ATE1: variants seen among roughly 807,000 people sequenced by gnomAD.
ATE1 encodes the protein arginyl-tRNA--protein transferase 1.
ATE1 carries 36 observed loss-of-function variants against 70.5 expected under a neutral mutation model. The ratio of observed to expected loss-of-function variants is 0.51; its 90% CI spans 0.39 to 0.67. The LOEUF (loss-of-function observed/expected upper bound fraction) is 0.67, where lower values mean the gene tolerates loss of function less well. ATE1 is among the 30% of genes least tolerant of loss of function. The pLI is 0.00. For synonymous variants in ATE1, 232 were observed against 219.3 expected (o/e 1.06, Z -0.51); for missense variants, 593 against 629.5 (o/e 0.94, Z 0.62).
chr10:121,850,200 T>A (rs147730477), intron 8 of ATE1, among the ~76,000 whole-genome samples: 11 of 152,250 alleles, frequency 7.2e-5, no homozygotes, highest in African/African-American at 2.4e-4. Flanking sequence ...CATTTCGTTA[T>A]ATGTCCTAAC....
chr10:121,893,650 C>G (rs924405407), intron 7 of ATE1, among the ~76,000 whole-genome samples: 2 of 151,946 alleles, frequency 1.3e-5, no homozygotes, highest in African/African-American at 4.8e-5. Context: ...TTTTTTACAT[C>G]TCTCTGGAAT....
In ATE1 at chr10:121,922,329, C is replaced by G. The variant is rs753191707; in HGVS notation, c.233+20G>C. On this transcript the variant is annotated intron_variant, in intron 3 of 11. Transcript: ENST00000224652. ...AATCTTCATACTATAAATCCTCTTT[C>G]TACTAATTAAAATTCTTACCTTATT... 6.6e-7 allele frequency: 1 copy of G among 1,511,266 alleles called. No homozygotes were observed. The highest frequency in any genetic ancestry group is 9.1e-7 in the Non-Finnish European group (1 of 1,094,988). 93.6% of individuals were successfully genotyped at this position (1,511,266 alleles called of 1,614,324 possible).
At chr10:121,834,712 GAAGAAAA>G (rs1564879919) in intron 10 of ATE1, among the ~76,000 whole-genome samples, 1 of 151,714 alleles carries the variant, frequency 6.6e-6, no homozygotes, top group Non-Finnish European at 1.5e-5. Flanking sequence ...GAATGGAAAA[GAAGAAAA>G]AAGAAAAAAA....
chr10:121,760,169 A>C (rs763312355), intron 11 of ATE1, among the ~76,000 whole-genome samples: 1 of 152,238 alleles, frequency 6.6e-6, no homozygotes, highest in Non-Finnish European at 1.5e-5. Context: ...ATGAAGTTAT[A>C]CAAGATCAGT....
At chr10:121,771,601 C>G (rs1945520793) in intron 11 of ATE1, among the ~76,000 whole-genome samples, 2 of 152,114 alleles carry the variant, frequency 1.3e-5, no homozygotes, top group South Asian at 4.1e-4. Flanking sequence ...TTTTTAATCC[C>G]AAACAATGGT....
chr10:121,774,318 G>A (rs117123576), intron 11 of ATE1, among the ~76,000 whole-genome samples: 6 of 152,246 alleles, frequency 3.9e-5, no homozygotes, highest in Admixed American at 3.9e-4. Flanking sequence ...TTTACATTCA[G>A]TTAGTATATC....
chr10:121,763,825 C>T (rs1021987171), intron 11 of ATE1, among the ~76,000 whole-genome samples: 1 of 152,000 alleles, frequency 6.6e-6, no homozygotes, highest in Non-Finnish European at 1.5e-5. Context: ...ACCAGCCTGG[C>T]CAACATGGAG....
chr10:121,887,032 G>T (rs1950421955), intron 7 of ATE1, among the ~76,000 whole-genome samples: 1 of 152,112 alleles, frequency 6.6e-6, no homozygotes, highest in Admixed American at 6.5e-5. Flanking sequence ...AACAAGCAAA[G>T]AATCACTTGT....
rs182008507 is a variant in ATE1 at position 121,885,558 on chromosome 10, A to T, written c.942+14308T>A. Among the ~76,000 whole-genome samples, 143 of 83,950 alleles carry T rather than the reference A, an allele frequency of 1.7e-3. 1 individual carries two copies. Among genetic ancestry groups the T allele is most frequent in the African/African-American group, 7.1e-3 (141 of 19,942 alleles). The allele number at this position is 83,950 out of a possible 152,430, so 55.1% of individuals were successfully genotyped here. ...GCACTCCAGCCTGGGTGACAGCAAG[A>T]CTCCGTCTCAAAAAAAAAAAAAAAA... On this transcript the variant is annotated intron_variant, in intron 7 of 11. Transcript: ENST00000224652.
intron 7 of ATE1, among the ~76,000 whole-genome samples, chr10:121,890,877 A>T (rs892417056): frequency 1.3e-5 from 2 of 152,170 alleles, no homozygotes; most frequent in African/African-American, 4.8e-5. Flanking sequence ...TGAAAATCTG[A>T]TATCTACCTG....
rs777749729 is a variant in ATE1 at position 121,742,406 on chromosome 10, A to C, written c.*1274T>G. 3 of 146,698 alleles carry C rather than the reference A, an allele frequency of 2.0e-5. No homozygotes were observed. Among genetic ancestry groups the C allele is most frequent in the Non-Finnish European group, 3.0e-5 (2 of 66,870 alleles). The allele number at this position is 146,698 out of a possible 1,614,324, so 9.1% of individuals were successfully genotyped here. A position where few individuals can be genotyped will look rare whatever the true frequency, so the allele number is the denominator to read the frequency against. ...TGAACCAAAACAGAAAAATGGGCAA[A>C]GTGGGGACTAAAAACGGCTTGCTGG... On this transcript the variant is annotated 3_prime_UTR_variant, in exon 12 of 12. Transcript: ENST00000224652.
In ATE1 at chr10:121,883,926, G is replaced by A. The variant is rs1950299340; in HGVS notation, c.943-13888C>T. ...TGGAGACCATCCTGGCCAACATGGT[G>A]AAACCCCATCTCTACCAAAAATACA... On this transcript the variant is annotated intron_variant, in intron 7 of 11. Transcript: ENST00000224652. Among the ~76,000 whole-genome samples, 3 of 151,720 alleles carry A rather than the reference G, an allele frequency of 2.0e-5. No homozygotes were observed. The South Asian group carries it at 6.2e-4, about 32-fold the overall frequency.
At chr10:121,853,294 G>GGA (rs1222957044) in intron 8 of ATE1, among the ~76,000 whole-genome samples, 89 of 150,216 alleles carry the variant, frequency 5.9e-4, no homozygotes, top group African/African-American at 1.9e-3. Context: ...AACCCAGAAG[G>GGA]TGGAGCTTGC....
intron 10 of ATE1, among the ~76,000 whole-genome samples, chr10:121,818,157 A>G (rs1179500012): frequency 6.9e-6 from 1 of 145,668 alleles, no homozygotes; most frequent in Non-Finnish European, 1.5e-5. Flanking sequence ...CCAGCTACTC[A>G]GGAGGCTGAG....
rs566847501 is a variant in ATE1, at chr10:121,927,013, C to T, written c.106+831G>A. 4.0e-5 allele frequency: 39 copies of T among 985,402 alleles called. No individual in the cohort carries two copies. The African/African-American group carries it at 6.1e-4, about 15-fold the overall frequency. 61.0% of individuals were successfully genotyped at this position (985,402 alleles called of 1,614,324 possible). ...ACTTACACCTTTTTCATGGAAAATG[C>T]CTGTGTGTTTTCATGCGAATCTCGT... On this transcript the variant is annotated intron_variant, in intron 1 of 11. Coordinates refer to ENST00000224652, the MANE Select transcript of ATE1 (RefSeq NM_001001976.3).
chr10:121,928,360 GC>G, upstream of ATE1: 1 of 1,533,480 alleles, frequency 6.5e-7, no homozygotes, highest in Non-Finnish European at 8.8e-7. Flanking sequence ...AGGACGCTTT[GC>G]CCTCCTTGGA....
At chr10:121,924,542 T>C (rs1254483790) in intron 1 of ATE1, among the ~76,000 whole-genome samples, 3 of 151,674 alleles carry the variant, frequency 2.0e-5, no homozygotes, top group Non-Finnish European at 2.9e-5. Context: ...CTACTAAAAA[T>C]ACAAAAATTT....
chr10:121,843,796 A>T (rs1018590523), intron 8 of ATE1, among the ~76,000 whole-genome samples: 5 of 152,158 alleles, frequency 3.3e-5, no homozygotes, highest in African/African-American at 1.2e-4. Context: ...TGGATCATAA[A>T]CCTAAATATA....
chr10:121,831,654 T>G (rs1948242326), intron 10 of ATE1, among the ~76,000 whole-genome samples: 1 of 152,214 alleles, frequency 6.6e-6, no homozygotes, highest in African/African-American at 2.4e-5. Flanking sequence ...ATTTCCTGAT[T>G]TGTCAATTGA....
Sources: gnomAD v4.1 joint callset for allele counts (sites outside exome capture counted in the v4.1 genomes callset) on GRCh38, gnomAD v4.1.1 for gene constraint, MANE v1.5 for transcripts, NCBI Gene and HGNC (gene_info 2026-07-23, HGNC 2026-07-21) for gene names.